Variants in PLS1 observed in about 807,000 individuals in gnomAD.
The protein encoded by PLS1 is plastin-1.
Under a neutral mutation model 73.7 loss-of-function variants are expected in PLS1, and 32 were observed. The observed-to-expected ratio is 0.43, with a 90% CI of 0.33 to 0.58. The LOEUF is 0.58. Ranked by LOEUF, PLS1 falls within the 20% of genes least tolerant of loss-of-function variation. The pLI is 0.04. For synonymous variants in PLS1, 217 were observed against 261.3 expected (o/e 0.83, Z 1.63); for missense variants, 633 against 740.5 (o/e 0.85, Z 1.68).
chr3:142,666,415 T>TAAA (rs1260493609), intron 2 of PLS1, among the ~76,000 whole-genome samples: 9 of 152,362 alleles, frequency 5.9e-5, no homozygotes, highest in African/African-American at 2.2e-4. Flanking sequence ...TGTGACTGGC[T>TAAA]TATTTCACTT....
intron 10 of PLS1, among the ~76,000 whole-genome samples, chr3:142,692,783 G>A (rs2038113166): frequency 6.6e-6 from 1 of 151,826 alleles, no homozygotes; most frequent in Admixed American, 6.6e-5. Context: ...ATAATTTTAA[G>A]ACATTTAGAT....
intron 1 of PLS1, among the ~76,000 whole-genome samples, chr3:142,648,972 A>G (rs910946059): frequency 2.0e-5 from 3 of 152,100 alleles, no homozygotes; most frequent in African/African-American, 7.2e-5. Context: ...CATCTTGGAC[A>G]TATATATATT....
chr3:142,612,429 A>AC (rs1297405768), intron 1 of PLS1, among the ~76,000 whole-genome samples: 1 of 152,234 alleles, frequency 6.6e-6, no homozygotes, highest in African/African-American at 2.4e-5. Context: ...GTGCTTTGTG[A>AC]CCTGCAAATC....
intron 9 of PLS1, among the ~76,000 whole-genome samples, chr3:142,688,711 T>C (rs897359405): frequency 2.0e-5 from 3 of 152,210 alleles, no homozygotes; most frequent in African/African-American, 7.2e-5. Context: ...TACTTAAATT[T>C]CTAGTACTTC....
chr3:142,710,851 G>A (rs1933089907), intron 14 of PLS1, among the ~76,000 whole-genome samples: 1 of 152,138 alleles, frequency 6.6e-6, no homozygotes, highest in African/African-American at 2.4e-5. Context: ...TCCATTTTTA[G>A]CTTGCCTTGG....
chr3:142,644,936 T>C (rs2036920919), intron 1 of PLS1, among the ~76,000 whole-genome samples: 1 of 152,226 alleles, frequency 6.6e-6, no homozygotes, highest in African/African-American at 2.4e-5. Flanking sequence ...TACTTCATAG[T>C]TCTCTGGCAA....
At position 142,694,547 on chromosome 3, in the gene PLS1, G is replaced by A. The variant is rs1470736550; in HGVS notation, c.1256G>A (p.Ser419Asn). The change falls in exon 11 of 16, where the codon AGT (serine) becomes AAT (asparagine). Residue 419 changes from serine to asparagine, a missense_variant and splice_region_variant. By Grantham distance (46) the Ser-to-Asn change is conservative. Coordinates refer to ENST00000457734, the MANE Select transcript of PLS1 (RefSeq NM_001145319.2). ...AACCCATACATTAATCATTTGTACA[G>A]GTAAATATTTTATTGTGCTTCAGCT... is the stretch of plus-strand genomic sequence containing the variant. ...GVNPYINHLYSDLADALVIFQ... is the reference protein window; with the variant it reads ...GVNPYINHLYNDLADALVIFQ... 1 of 1,553,294 alleles carries A rather than the reference G, an allele frequency of 6.4e-7. No homozygotes were observed. The highest frequency in any genetic ancestry group is 8.9e-7 in the Non-Finnish European group (1 of 1,125,960).
At chr3:142,643,082 G>A (rs527826446) in intron 1 of PLS1, among the ~76,000 whole-genome samples, 21 of 152,270 alleles carry the variant, frequency 1.4e-4, no homozygotes, top group African/African-American at 5.1e-4. Context: ...TTTGTTAAGG[G>A]CAATGATGGG....
intron 1 of PLS1, among the ~76,000 whole-genome samples, chr3:142,627,011 G>C (rs2036444224): frequency 6.6e-6 from 1 of 152,200 alleles, no homozygotes; most frequent in African/African-American, 2.4e-5. Flanking sequence ...TTGTCATAAG[G>C]ACCAAGTTAG....
intron 12 of PLS1, chr3:142,698,344 G>T: frequency 4.1e-6 from 1 of 243,648 alleles, no homozygotes; most frequent in Non-Finnish European, 7.8e-6. Context: ...TTTTACAATT[G>T]GTATAACGTT....
intron 1 of PLS1, among the ~76,000 whole-genome samples, chr3:142,648,317 C>T (rs970202760): frequency 6.6e-6 from 1 of 151,986 alleles, no homozygotes; most frequent in African/African-American, 2.4e-5. Flanking sequence ...AAGAGGAGGC[C>T]TTTTTCAGGA....
intron 10 of PLS1, among the ~76,000 whole-genome samples, 180 bp downstream of exon 10, chr3:142,689,993 C>G (rs2038054571): frequency 6.6e-6 from 1 of 152,088 alleles, no homozygotes; most frequent in Admixed American, 6.6e-5. Flanking sequence ...AAAGAGAATG[C>G]TGGGGTAAAT....
rs1006117363 is a variant in PLS1, at chr3:142,689,817, C to T, written c.1177+4C>T. ...ATCGATATGAATTTACTGGAAGGTG[C>T]GTTCTTTCTGCCTTTAATTGACTTG... On this transcript the variant is annotated splice_donor_region_variant and intron_variant, in intron 10 of 15. Transcript: ENST00000457734. 10 of 1,553,536 alleles carry T rather than the reference C, an allele frequency of 6.4e-6. No individual in the cohort carries two copies. The highest frequency in any genetic ancestry group is 1.2e-5 in the South Asian group (1 of 83,892).
intron 1 of PLS1, among the ~76,000 whole-genome samples, chr3:142,616,051 T>C (rs2036209390): frequency 1.3e-5 from 2 of 152,338 alleles, no homozygotes; most frequent in East Asian, 3.9e-4. Flanking sequence ...TGAGGGTCAG[T>C]GGGCCCAAGA....
At chr3:142,638,109 T>C (rs1370487801) in intron 1 of PLS1, among the ~76,000 whole-genome samples, 2 of 152,196 alleles carry the variant, frequency 1.3e-5, no homozygotes, top group Non-Finnish European at 2.9e-5. Flanking sequence ...TCCTAGAGAA[T>C]AAAACTTTTT....
At chr3:142,673,889 C>A (rs1229639030) in intron 4 of PLS1, 1 of 152,158 alleles carries the variant, frequency 6.6e-6, no homozygotes, top group Non-Finnish European at 1.5e-5. Context: ...TATGAGGGCT[C>A]CAGTTTCTTC....
intron 4 of PLS1, among the ~76,000 whole-genome samples, chr3:142,675,016 C>A (rs993225685): frequency 5.9e-5 from 9 of 152,124 alleles, no homozygotes; most frequent in African/African-American, 2.2e-4. Flanking sequence ...CAGGCATGAG[C>A]CACCGCACCC....
At chr3:142,603,603 A>T (rs2035963935) in intron 1 of PLS1, among the ~76,000 whole-genome samples, 1 of 152,054 alleles carries the variant, frequency 6.6e-6, no homozygotes, top group Non-Finnish European at 1.5e-5. Flanking sequence ...ACATGGCAAA[A>T]CATCGTCTCT....
intron 1 of PLS1, among the ~76,000 whole-genome samples, chr3:142,626,142 G>A (rs16852464): frequency 0.15 from 23,397 of 152,148 alleles, 2,084 homozygotes; most frequent in Non-Finnish European, 0.2. Context: ...CTTTTGCTAG[G>A]AACTGCTACT....
Sources: gnomAD v4.1 joint callset for allele counts (sites outside exome capture counted in the v4.1 genomes callset) on GRCh38, gnomAD v4.1.1 for gene constraint, MANE v1.5 for transcripts, NCBI Gene and HGNC (gene_info 2026-07-23, HGNC 2026-07-21) for gene names.